CEACAM19: variants seen among roughly 807,000 people sequenced by gnomAD.
The protein encoded by CEACAM19 is cell adhesion molecule CEACAM19.
A neutral mutation model predicts 37.6 loss-of-function variants in CEACAM19; 37 were observed. The observed-to-expected ratio is 0.98, with a 90% confidence interval of 0.76 to 1.29. The LOEUF (loss-of-function observed/expected upper bound fraction) is 1.29, where lower values mean the gene tolerates loss of function less well. Among genes scored for constraint, CEACAM19 ranks in the 50% most tolerant of loss-of-function variants. CEACAM19 has a pLI of 0.00. For synonymous variants in CEACAM19, 140 were observed against 149.8 expected, an observed-to-expected ratio of 0.93 and a Z score of 0.48; for missense variants, 340 against 375.6, an observed-to-expected ratio of 0.91 and a Z score of 0.78.
At position 44,678,895 on chromosome 19, in the gene CEACAM19, C is replaced by G; in HGVS notation, c.618C>G (p.Cys206Trp). Residue 206 changes from cysteine to tryptophan, a missense_variant, in exon 4 of 8, where the codon TGC becomes TGG. Coordinates refer to ENST00000358777, the MANE Select transcript of CEACAM19 (RefSeq NM_001127893.3). ...PRGQGSLSIL[C>W]SAVSPVPSVT... The stretch of plus-strand genomic sequence containing the variant: ...GCCAGGGATCTCTGTCCATCTTGTG[C>G]TCGGCTGTATCCCCAGTGCCTTCAG... The G allele has an allele frequency of 6.2e-7, 1 of 1,614,040 alleles. No homozygotes were observed. The highest frequency in any genetic ancestry group is 2.2e-5 in the East Asian group (1 of 44,870).
At chr19:44,679,151 C>G (rs62119325) in intron 4 of CEACAM19, among the ~76,000 whole-genome samples, 3,314 of 152,206 alleles carry the variant, frequency 0.022, 50 homozygotes, top group African/African-American at 0.031. Context: ...CACCACCACA[C>G]CTGGCTAATT....
rs1427511222 is a variant in CEACAM19, at chr19:44,672,836, T to C, written c.296T>C (p.Ile99Thr). ...GGCAGTGCCATGGGACAGCGAGACA[T>C]CGTGGGCTTCCCCAATGGTTCCATG... ...RDGSAMGQRDIVGFPNGSMLL... is the reference protein window; with the variant it reads ...RDGSAMGQRDTVGFPNGSMLL... Residue 99 changes from isoleucine to threonine, a missense_variant, in exon 2 of 8, where the codon ATC becomes ACC. By Grantham distance (89) the Ile-to-Thr change is moderately conservative. Transcript: ENST00000358777. 1.2e-6 allele frequency: 2 copies of C among 1,602,032 alleles called. No homozygotes were observed. Among genetic ancestry groups the C allele is most frequent in the Non-Finnish European group, 1.7e-6 (2 of 1,173,326 alleles).
At chr19:44,668,477 T>G (rs1174655119), upstream of CEACAM19, among the ~76,000 whole-genome samples, 2 of 56,680 alleles carry the variant, frequency 3.5e-5, no homozygotes, top group African/African-American at 1.8e-4. Flanking sequence ...TATAATATAA[T>G]ATATATATTA....
upstream of CEACAM19, chr19:44,667,254 C>T (rs1325786871): frequency 2.6e-5 from 4 of 151,646 alleles, no homozygotes; most frequent in Non-Finnish European, 5.9e-5. Context: ...ACACCCCGAC[C>T]TAGCTGTCTC....
Position 44,671,511 on chromosome 19 carries a change from C to A in CEACAM19, c.-421C>A, listed in dbSNP as rs570580567. The A allele has an allele frequency of 1.3e-4, 50 of 399,406 alleles. No individual in the cohort carries two copies. Among genetic ancestry groups the A allele is most frequent in the African/African-American group, 7.6e-4 (37 of 48,792 alleles). The allele number at this position is 399,406 out of a possible 1,614,324, so 24.7% of individuals were successfully genotyped here. On this transcript the variant is annotated 5_prime_UTR_variant, in exon 1 of 8. Coordinates refer to ENST00000358777, the MANE Select transcript of CEACAM19 (RefSeq NM_001127893.3). The stretch of plus-strand genomic sequence containing the variant: ...CTCTTTTCCTGGGCCTCTGTTTCCA[C>A]ATCTGTGCAATGGGAACAGTTATTT...
At chr19:44,675,413 C>T (rs541423387) in intron 2 of CEACAM19, among the ~76,000 whole-genome samples, 1 of 152,212 alleles carries the variant, frequency 6.6e-6, no homozygotes, top group South Asian at 2.1e-4. Context: ...AAGTCCCCTA[C>T]ATCTCCTGCA....
intron 6 of CEACAM19, 61 bp downstream of exon 6, chr19:44,681,373 C>A: frequency 2.7e-6 from 3 of 1,121,424 alleles, no homozygotes; most frequent in Non-Finnish European, 4.0e-6. Context: ...CCTCTCTGAG[C>A]TGGCTGTGGT....
chr19:44,668,752 AATATAAT>A (rs1336900490), upstream of CEACAM19, among the ~76,000 whole-genome samples: 22 of 91,722 alleles, frequency 2.4e-4, 2 homozygotes, highest in African/African-American at 1.7e-3. Context: ...AATATAATAT[AATATAAT>A]ATATATAATA....
At chr19:44,682,523 TG>T in intron 6 of CEACAM19, 43 bp from the exon 7 acceptor site, 4 of 1,548,974 alleles carry the variant, frequency 2.6e-6, no homozygotes, top group Admixed American at 3.9e-5. Context: ...GTTTAGAGGG[TG>T]GGGGGTGCCG....
At chr19:44,683,329 G>A in intron 7 of CEACAM19, 108 bp from the exon 8 acceptor site, 9 of 511,948 alleles carry the variant, frequency 1.8e-5, no homozygotes, top group East Asian at 9.8e-5. Flanking sequence ...TTCTCTCTGC[G>A]GGTTTCTCTC....
At position 44,680,339 on chromosome 19, in the gene CEACAM19, G is replaced by A; in HGVS notation, c.706+5G>A. ...TGGGCCCTGCTCATGATGCTGGTAA[G>A]GCGGGAGCCCCAGATCTCACTACCT... On this transcript the variant is annotated splice_donor_5th_base_variant and intron_variant, in intron 5 of 7. Transcript: ENST00000358777. 1 of 1,608,934 alleles carries A rather than the reference G, an allele frequency of 6.2e-7. No homozygotes were observed.
At chr19:44,672,506 C>G in intron 1 of CEACAM19, 90 bp from the exon 2 acceptor site, 1 of 1,324,130 alleles carries the variant, frequency 7.6e-7, no homozygotes, top group South Asian at 2.1e-5. Context: ...AGAGTCCTTG[C>G]TCCCCGCTGA....
upstream of CEACAM19, among the ~76,000 whole-genome samples, chr19:44,666,539 G>A (rs574260439): frequency 2.0e-4 from 31 of 152,304 alleles, no homozygotes; most frequent in African/African-American, 6.3e-4. Flanking sequence ...GCGTGGTGGC[G>A]TGCGCCTATA....
At chr19:44,670,607 G>A (rs1355943903), upstream of CEACAM19, among the ~76,000 whole-genome samples, 7 of 151,530 alleles carry the variant, frequency 4.6e-5, no homozygotes, top group Non-Finnish European at 5.9e-5. Flanking sequence ...CCTGGGAGGC[G>A]GAGGTTGCAG....
chr19:44,678,484 C>T, intron 3 of CEACAM19: 1 of 167,714 alleles, frequency 6.0e-6, no homozygotes, highest in Middle Eastern at 2.7e-3. Flanking sequence ...GATCTCGGCT[C>T]ACTGCAACTT....
At chr19:44,668,972 ACCACGG>A (rs1443328436), upstream of CEACAM19, among the ~76,000 whole-genome samples, 2 of 149,320 alleles carry the variant, frequency 1.3e-5, no homozygotes, top group Admixed American at 1.4e-4. Context: ...GGCATGCGCC[ACCACGG>A]CCAGCTAATG....
upstream of CEACAM19, among the ~76,000 whole-genome samples, chr19:44,670,606 C>T (rs1054941187): frequency 3.3e-5 from 5 of 150,280 alleles, no homozygotes; most frequent in East Asian, 7.9e-4. Flanking sequence ...ACCTGGGAGG[C>T]GGAGGTTGCA....
chr19:44,683,373 C>A, intron 7 of CEACAM19, 64 bp from the exon 8 acceptor site: 4 of 663,974 alleles, frequency 6.0e-6, no homozygotes, highest in Non-Finnish European at 1.1e-5. Flanking sequence ...CTGTCCCTCT[C>A]TGTCTCCCCA....
chr19:44,681,211 C>A lies in CEACAM19; in HGVS notation c.707-16C>A. 6.2e-7 allele frequency: 1 copy of A among 1,606,734 alleles called. No homozygotes were observed. Among genetic ancestry groups the A allele is most frequent in the Non-Finnish European group, 8.5e-7 (1 of 1,173,592 alleles). On this transcript the variant is annotated splice_polypyrimidine_tract_variant and intron_variant, in intron 5 of 7. Transcript: ENST00000358777. ...GCCCATGTGTCAGCTGGTACCTCCC[C>A]TGGCCTCTGTTTCAGGTGACAACAA...
Sources: gnomAD v4.1 joint callset for allele counts (sites outside exome capture counted in the v4.1 genomes callset) on GRCh38, gnomAD v4.1.1 for gene constraint, MANE v1.5 for transcripts, NCBI Gene and HGNC (gene_info 2026-07-23, HGNC 2026-07-21) for gene names.